KCNJ6: variants seen among roughly 807,000 people sequenced by gnomAD.
KCNJ6 encodes the protein G protein-activated inward rectifier potassium channel 2.
Under a neutral mutation model 34.2 loss-of-function variants are expected in KCNJ6, and 9 were observed. The ratio of observed to expected loss-of-function variants is 0.26; its 90% confidence interval spans 0.16 to 0.46. The LOEUF (loss-of-function observed/expected upper bound fraction) is 0.46, where lower values mean the gene tolerates loss of function less well. Among genes scored for constraint, KCNJ6 ranks in the 20% least tolerant of loss-of-function variants. The pLI is 1.00. For synonymous variants in KCNJ6, 196 were observed against 207.1 expected, an observed-to-expected ratio of 0.95 and a Z score of 0.46; for missense variants, 236 against 531.3, an observed-to-expected ratio of 0.44 and a Z score of 5.46.
At chr21:37,649,794 C>G (rs1188997785) in intron 3 of KCNJ6, among the ~76,000 whole-genome samples, 1 of 152,222 alleles carries the variant, frequency 6.6e-6, no homozygotes, top group African/African-American at 2.4e-5. Context: ...GCTCTGTCGC[C>G]CTGGCTGGAG....
intron 3 of KCNJ6, among the ~76,000 whole-genome samples, chr21:37,659,476 G>C (rs2054478475): frequency 6.6e-6 from 1 of 152,220 alleles, no homozygotes; most frequent in Admixed American, 6.5e-5. Flanking sequence ...TCCTTGGGCA[G>C]GTCTGAGATG....
intron 1 of KCNJ6, among the ~76,000 whole-genome samples, chr21:37,867,034 G>T (rs2123608546): frequency 6.6e-6 from 1 of 152,300 alleles, no homozygotes; most frequent in Middle Eastern, 3.4e-3. Context: ...AATTCTGTTA[G>T]GTGGATGCTC....
intron 2 of KCNJ6, among the ~76,000 whole-genome samples, chr21:37,838,244 C>T (rs773044573): frequency 6.6e-6 from 1 of 152,134 alleles, no homozygotes; most frequent in Non-Finnish European, 1.5e-5. Flanking sequence ...AACCTAAAAC[C>T]AATAAATCGA....
intron 1 of KCNJ6, among the ~76,000 whole-genome samples, chr21:37,867,735 CAGA>C (rs1210332465): frequency 6.6e-6 from 1 of 152,144 alleles, no homozygotes; most frequent in Non-Finnish European, 1.5e-5. Context: ...ATAAAAATAA[CAGA>C]AGGTTACACG....
At chr21:37,776,838 G>A (rs1328543633) in intron 2 of KCNJ6, among the ~76,000 whole-genome samples, 2 of 152,150 alleles carry the variant, frequency 1.3e-5, no homozygotes, top group African/African-American at 2.4e-5. Context: ...GCCAGGCTTT[G>A]GTATCAGGAT....
chr21:37,821,548 GC>G (rs993730771), intron 2 of KCNJ6, among the ~76,000 whole-genome samples: 3 of 151,736 alleles, frequency 2.0e-5, no homozygotes, highest in Admixed American at 6.6e-5. Context: ...CCTTTCCCCT[GC>G]CCCCCCAACA....
intron 1 of KCNJ6, among the ~76,000 whole-genome samples, chr21:37,877,372 C>T (rs2055684278): frequency 6.6e-6 from 1 of 152,130 alleles, no homozygotes; most frequent in Non-Finnish European, 1.5e-5. Context: ...TGAGAACATT[C>T]CTGCAGTTTT....
chr21:37,607,482 A>ATATATATATATATATATATATATATT lies in KCNJ6; in HGVS notation c.*17676_*17677insAATATATATATATATATATATATATA. 5 of 136,760 alleles carry ATATATATATATATATATATATATATT rather than the reference A, an allele frequency of 3.7e-5. No individual in the cohort carries two copies. Among genetic ancestry groups the ATATATATATATATATATATATATATT allele is most frequent in the South Asian group, 4.8e-4 (2 of 4,154 alleles). The allele number at this position is 136,760 out of a possible 1,614,324, so 8.5% of individuals were successfully genotyped here. A position where few individuals can be genotyped will look rare whatever the true frequency, so the allele number is the denominator to read the frequency against. ...CTTAAAGATATATATATATATATAT[A>ATATATATATATATATATATATATATT]TTTTTTTTTTATTTTAAAAAAATTT... On this transcript the variant is annotated 3_prime_UTR_variant, in exon 4 of 4. Transcript: ENST00000609713.
intron 2 of KCNJ6, among the ~76,000 whole-genome samples, chr21:37,737,508 T>C (rs1407747235): frequency 2.6e-5 from 4 of 152,196 alleles, no homozygotes; most frequent in African/African-American, 9.7e-5. Flanking sequence ...AAAGGAAAAG[T>C]TTTCCTAGCA....
intron 1 of KCNJ6, among the ~76,000 whole-genome samples, chr21:37,849,608 C>G (rs534573992): frequency 6.6e-6 from 1 of 152,318 alleles, no homozygotes; most frequent in African/African-American, 2.4e-5. Flanking sequence ...TGGTCTCCAC[C>G]TACCTCTCCA....
At chr21:37,810,452 C>T (rs1344881697) in intron 2 of KCNJ6, among the ~76,000 whole-genome samples, 1 of 152,142 alleles carries the variant, frequency 6.6e-6, no homozygotes, top group African/African-American at 2.4e-5. Flanking sequence ...ATCCACATTG[C>T]CAAGCTGCTC....
At chr21:37,861,208 C>T (rs2055593247) in intron 1 of KCNJ6, among the ~76,000 whole-genome samples, 2 of 152,176 alleles carry the variant, frequency 1.3e-5, no homozygotes, top group African/African-American at 2.4e-5. Context: ...TAACAAAGTA[C>T]CACAAACTGG....
At chr21:37,760,802 T>C (rs1340150105) in intron 2 of KCNJ6, among the ~76,000 whole-genome samples, 1 of 152,232 alleles carries the variant, frequency 6.6e-6, no homozygotes, top group Non-Finnish European at 1.5e-5. Context: ...CTCAGGTTCC[T>C]CCTGTCTCAC....
At chr21:37,642,005 G>C (rs766059573) in intron 3 of KCNJ6, among the ~76,000 whole-genome samples, 1 of 152,216 alleles carries the variant, frequency 6.6e-6, no homozygotes, top group Non-Finnish European at 1.5e-5. Flanking sequence ...GCAACAGGAC[G>C]GATGGATGGT....
chr21:37,646,526 A>T (rs2054404869), intron 3 of KCNJ6, among the ~76,000 whole-genome samples: 1 of 152,094 alleles, frequency 6.6e-6, no homozygotes, highest in South Asian at 2.1e-4. Context: ...CTGTCATCTC[A>T]ACACACTGTT....
intron 2 of KCNJ6, among the ~76,000 whole-genome samples, chr21:37,748,081 C>T (rs961042487): frequency 6.6e-6 from 1 of 152,108 alleles, no homozygotes; most frequent in African/African-American, 2.4e-5. Context: ...AGAAGCAAGA[C>T]CAGAAACCCC....
intron 2 of KCNJ6, among the ~76,000 whole-genome samples, chr21:37,831,760 G>C (rs2055427218): frequency 6.6e-6 from 1 of 152,174 alleles, no homozygotes; most frequent in Non-Finnish European, 1.5e-5. Flanking sequence ...ACACGGTCCT[G>C]GGGCAAAGGA....
chr21:37,792,646 A>G (rs2055222331), intron 2 of KCNJ6, among the ~76,000 whole-genome samples: 1 of 152,184 alleles, frequency 6.6e-6, no homozygotes, highest in South Asian at 2.1e-4. Flanking sequence ...CTTAGTTTAC[A>G]TTGGCATTGT....
chr21:37,794,998 T>C (rs2055234461), intron 2 of KCNJ6, among the ~76,000 whole-genome samples: 1 of 152,148 alleles, frequency 6.6e-6, no homozygotes, highest in Admixed American at 6.5e-5. Flanking sequence ...AAAGATCATG[T>C]AAAACTCCAC....
Sources: gnomAD v4.1 joint callset for allele counts (sites outside exome capture counted in the v4.1 genomes callset) on GRCh38, gnomAD v4.1.1 for gene constraint, MANE v1.5 for transcripts, NCBI Gene and HGNC (gene_info 2026-07-23, HGNC 2026-07-21) for gene names.